The following WDR17 variants were observed in gnomAD, a reference collection of about 807,000 sequenced individuals.
WDR17 encodes the protein WD repeat domain 17.
In WDR17, 143 loss-of-function variants were observed where a neutral mutation model predicts 161.7. That is an observed-to-expected ratio of 0.88 (90% CI 0.77 to 1.02). The LOEUF (loss-of-function observed/expected upper bound fraction) is 1.02. Among genes scored for constraint, WDR17 ranks in the 50% least tolerant of loss-of-function variants. The pLI, the probability that WDR17 is intolerant of heterozygous loss-of-function variation, is 0.00. For synonymous variants in WDR17, 517 were observed against 515.6 expected (o/e 1.00, Z -0.04); for missense variants, 1,469 against 1,520.9 (o/e 0.97, Z 0.57).
At chr4:176,067,096 C>T (rs1732627229) in intron 1 of WDR17, among the ~76,000 whole-genome samples, 1 of 152,154 alleles carries the variant, frequency 6.6e-6, no homozygotes, top group South Asian at 2.1e-4. Context: ...GGTGGTGAAA[C>T]AAACTCTGTG....
intron 2 of WDR17, among the ~76,000 whole-genome samples, chr4:176,115,155 A>G (rs767029726): frequency 6.6e-6 from 1 of 152,094 alleles, no homozygotes; most frequent in Non-Finnish European, 1.5e-5. Context: ...GGAAGAAACT[A>G]CAACAAAAGG....
chr4:176,128,983 T>C (rs1354969396), intron 6 of WDR17, 123 bp downstream of exon 6: 1 of 784,888 alleles, frequency 1.3e-6, no homozygotes, highest in Non-Finnish European at 1.9e-6. Flanking sequence ...AAAAAGGCTT[T>C]GACAATATAT....
chr4:176,155,545 G>GTTTTGTTTTTTTT (rs1747939639), intron 17 of WDR17, among the ~76,000 whole-genome samples: 2 of 105,248 alleles, frequency 1.9e-5, no homozygotes, highest in Non-Finnish European at 3.8e-5. Context: ...ATTTGTTTGT[G>GTTTTGTTTTTTTT]TTTTTTTTTT....
Position 176,146,256 on chromosome 4 carries a change from CAG to C in WDR17, c.1694+100_1694+101del. Reference sequence around the variant, plus strand: ...TTTATAGGAGATATATAGATATATACAGAGTCTCCCTCTGTCACCCAGGCTGG... The same window carrying C: ...TTTATAGGAGATATATAGATATATACAGTCTCCCTCTGTCACCCAGGCTGG... On this transcript the variant is annotated intron_variant, in intron 12 of 28. Transcript: ENST00000508596. 3.2e-6 allele frequency: 4 copies of C among 1,269,712 alleles called. No individual in the cohort carries two copies. In the South Asian group the frequency reaches 7.2e-5, roughly 23 times the overall value. 78.7% of individuals were successfully genotyped at this position (1,269,712 alleles called of 1,614,324 possible).
rs959444869 is a variant in WDR17 at position 176,131,474 on chromosome 4, AT to A, written c.914-70del. The A allele has an allele frequency of 7.9e-3, 9,209 of 1,166,494 alleles. 3 individuals are homozygous for A. The highest frequency in any genetic ancestry group is 0.016 in the African/African-American group (988 of 62,764). The allele number at this position is 1,166,494 out of a possible 1,614,324, so 72.3% of individuals were successfully genotyped here. ...AATGGTTTACTGGTACAGATTCTGG[AT>A]TTTTTTTTTAATGAAGAATCTTTCT... On this transcript the variant is annotated intron_variant, in intron 6 of 28. Coordinates refer to ENST00000508596, the MANE Select transcript of WDR17 (RefSeq NM_181265.4).
chr4:176,115,997 A>G lies in WDR17; in HGVS notation c.307+18A>G, dbSNP rs377296018. 1.2e-5 allele frequency: 19 copies of G among 1,577,146 alleles called. No individual in the cohort carries two copies. Among genetic ancestry groups the G allele is most frequent in the Non-Finnish European group, 1.6e-5 (19 of 1,165,096 alleles). On this transcript the variant is annotated intron_variant, in intron 3 of 28. Transcript: ENST00000508596. The stretch of plus-strand genomic sequence containing the variant: ...TACAAAAGGTATAATTACAACTGGG[A>G]TTTATTTTATGGAATAAAATATTTT...
At chr4:176,131,491 G>T (rs1019534405) in intron 6 of WDR17, 63 bp from the exon 7 acceptor site, 2 of 1,424,674 alleles carry the variant, frequency 1.4e-6, no homozygotes, top group Non-Finnish European at 1.9e-6. Flanking sequence ...TTTTAATGAA[G>T]AATCTTTCTA....
chr4:176,071,348 A>C (rs1256184123), intron 1 of WDR17, among the ~76,000 whole-genome samples: 1 of 134,274 alleles, frequency 7.4e-6, no homozygotes, highest in Non-Finnish European at 1.6e-5. Flanking sequence ...TTTGAGACAG[A>C]GTCTCACTCT....
chr4:176,077,838 A>G lies in WDR17; in HGVS notation c.-7+11759A>G, dbSNP rs138308251. On this transcript the variant is annotated intron_variant, in intron 1 of 28. Transcript: ENST00000508596. ...TTCTACATATCTCCTCATGATAATA[A>G]AATAACTTATATTATCTCTGATTTC... Among the ~76,000 whole-genome samples the G allele has an allele frequency of 4.5e-3, 690 of 152,140 alleles. 7 individuals are homozygous for G. Among genetic ancestry groups the G allele is most frequent in the African/African-American group, 0.016 (668 of 41,538 alleles).
At chr4:176,112,262 G>A (rs932932519) in intron 2 of WDR17, among the ~76,000 whole-genome samples, 2 of 152,024 alleles carry the variant, frequency 1.3e-5, no homozygotes, top group African/African-American at 2.4e-5. Flanking sequence ...CCGTGCCCTT[G>A]GTAGCCAAGA....
chr4:176,111,768 A>G (rs1739789872), intron 2 of WDR17, 65 bp downstream of exon 2: 2 of 1,362,492 alleles, frequency 1.5e-6, no homozygotes, highest in Non-Finnish European at 1.9e-6. Flanking sequence ...ATTAATACAT[A>G]TTTTAAGTCC....
intron 5 of WDR17, among the ~76,000 whole-genome samples, chr4:176,128,239 C>A (rs1288476267): frequency 6.6e-6 from 1 of 152,114 alleles, no homozygotes; most frequent in South Asian, 2.1e-4. Context: ...AGACTTTTCT[C>A]CATAGCAGTA....
chr4:176,111,588 A>G lies in WDR17; in HGVS notation c.8A>G (p.Gln3Arg), dbSNP rs1245833477. 3 of 1,603,880 alleles carry G rather than the reference A, an allele frequency of 1.9e-6. No homozygotes were observed. The African/African-American group carries it at 4.0e-5, about 22-fold the overall frequency. Reference sequence around the variant, plus strand: ...TTGTTTTTCAAGGCAAACATGTCCCAGGTAAGGCAAGTGGGATTGCTGGCT... The same window carrying G: ...TTGTTTTTCAAGGCAAACATGTCCCGGGTAAGGCAAGTGGGATTGCTGGCT... MSQVRQVGLLAAG... is the reference protein window; with the variant it reads MSRVRQVGLLAAG... The change falls in exon 2 of 29, where the codon CAG becomes CGG. Residue 3 changes from glutamine (Q) to arginine (R), a missense_variant. Coordinates refer to ENST00000508596, the MANE Select transcript of WDR17 (RefSeq NM_181265.4).
At chr4:176,070,836 G>GT (rs1285819160) in intron 1 of WDR17, among the ~76,000 whole-genome samples, 2 of 151,974 alleles carry the variant, frequency 1.3e-5, no homozygotes, top group East Asian at 3.9e-4. Flanking sequence ...TTTTGTTTTT[G>GT]TTTTTTAATA....
intron 3 of WDR17, among the ~76,000 whole-genome samples, chr4:176,117,037 C>T (rs959348018): frequency 2.0e-5 from 3 of 151,834 alleles, no homozygotes; most frequent in Non-Finnish European, 4.4e-5. Flanking sequence ...CTTAGAACAA[C>T]CAATGTATTA....
At chr4:176,096,906 C>T (rs1409869580) in intron 1 of WDR17, among the ~76,000 whole-genome samples, 1 of 151,492 alleles carries the variant, frequency 6.6e-6, no homozygotes, top group African/African-American at 2.4e-5. Flanking sequence ...CAATTTCAAG[C>T]AAGTCTTTCC....
intron 18 of WDR17, among the ~76,000 whole-genome samples, chr4:176,158,825 G>A (rs530324841): frequency 6.6e-6 from 1 of 152,124 alleles, no homozygotes; most frequent in Non-Finnish European, 1.5e-5. Context: ...GCCAGAAAGT[G>A]GTCTCTCCAC....
At chr4:176,173,058 G>C (rs780025378) in intron 24 of WDR17, among the ~76,000 whole-genome samples, 40 of 152,088 alleles carry the variant, frequency 2.6e-4, no homozygotes, top group Non-Finnish European at 3.4e-4. Flanking sequence ...ATTTAAAAAG[G>C]AGAGTGATGC....
At chr4:176,122,048 T>C (rs1741675035) in intron 4 of WDR17, among the ~76,000 whole-genome samples, 1 of 152,202 alleles carries the variant, frequency 6.6e-6, no homozygotes, top group South Asian at 2.1e-4. Flanking sequence ...GCATAAATTT[T>C]ATTATCTCAC....
Sources: allele counts gnomAD v4.1 joint callset (sites outside exome capture counted in the v4.1 genomes callset), GRCh38; gene constraint gnomAD v4.1.1; transcripts MANE v1.5; gene names NCBI Gene and HGNC (gene_info 2026-07-23, HGNC 2026-07-21).